CHRM3: variants seen among roughly 807,000 people sequenced by gnomAD.
CHRM3 encodes cholinergic receptor muscarinic 3, also known as muscarinic acetylcholine receptor M3.
In CHRM3, 11 loss-of-function variants were observed where a neutral mutation model predicts 41.8. The ratio of observed to expected loss-of-function variants is 0.26; its 90% CI spans 0.17 to 0.44. CHRM3 has a LOEUF of 0.44. Ranked by LOEUF, CHRM3 falls within the 20% of genes least tolerant of loss-of-function variation. CHRM3 has a pLI of 1.00. For synonymous variants in CHRM3, 297 were observed against 301.4 expected, an observed-to-expected ratio of 0.99 and a Z score of 0.15; for missense variants, 571 against 745.4, an observed-to-expected ratio of 0.77 and a Z score of 2.72.
chr1:239,584,464 A>T (rs995554694), intron 3 of CHRM3, among the ~76,000 whole-genome samples: 1 of 152,188 alleles, frequency 6.6e-6, no homozygotes, highest in Non-Finnish European at 1.5e-5. Context: ...ACTGATTAGC[A>T]TCCATAAACT....
At chr1:239,497,107 G>C (rs1322032847) in intron 2 of CHRM3, among the ~76,000 whole-genome samples, 1 of 152,144 alleles carries the variant, frequency 6.6e-6, no homozygotes, top group Non-Finnish European at 1.5e-5. Flanking sequence ...AAGAGGGACA[G>C]CATTTTTGGA....
At chr1:239,775,512 T>C (rs940368621) in intron 5 of CHRM3, among the ~76,000 whole-genome samples, 2 of 152,354 alleles carry the variant, frequency 1.3e-5, no homozygotes, top group South Asian at 4.1e-4. Context: ...GAAAGTACAA[T>C]TCAGCTTTAA....
chr1:239,771,023 GGT>G (rs2148724739), intron 5 of CHRM3, among the ~76,000 whole-genome samples: 1 of 151,902 alleles, frequency 6.6e-6, no homozygotes, highest in Non-Finnish European at 1.5e-5. Context: ...GGGAGGCAGA[GGT>G]TGCAGTGAGC....
At chr1:239,889,319 C>T (rs1391984292) in intron 6 of CHRM3, among the ~76,000 whole-genome samples, 23 of 152,054 alleles carry the variant, frequency 1.5e-4, no homozygotes, top group Admixed American at 1.5e-3. Flanking sequence ...TCTGGTAGCC[C>T]CCCCTCTAAT....
At chr1:239,546,598 T>C in intron 3 of CHRM3, 1 of 152,136 alleles carries the variant, frequency 6.6e-6, no homozygotes, top group East Asian at 1.9e-4. Flanking sequence ...CAAATTAATT[T>C]TTGGTATATT....
rs890684508 is a variant in CHRM3 at position 239,677,824 on chromosome 1, A to C, written c.-249-362A>C. Among the ~76,000 whole-genome samples the C allele has an allele frequency of 3.9e-5, 6 of 152,206 alleles. 1 individual carries two copies. Among genetic ancestry groups the C allele is most frequent in the African/African-American group, 1.4e-4 (6 of 41,446 alleles). ...TCAACCTAATAATATAAATGTCTGT[A>C]TGTTATGTGTACATATTTTTGGGGG... On this transcript the variant is annotated intron_variant, in intron 4 of 6. Coordinates refer to ENST00000676153, the MANE Select transcript of CHRM3 (RefSeq NM_001375978.1).
At chr1:239,893,480 C>T (rs1432416822) in intron 6 of CHRM3, among the ~76,000 whole-genome samples, 1 of 152,172 alleles carries the variant, frequency 6.6e-6, no homozygotes, top group Non-Finnish European at 1.5e-5. Context: ...TTACAGTTAG[C>T]CGTGTGACTT....
intron 3 of CHRM3, among the ~76,000 whole-genome samples, chr1:239,556,888 G>A (rs761834470): frequency 4.1e-4 from 62 of 152,226 alleles, no homozygotes; most frequent in Admixed American, 1.8e-3. Context: ...ATGCGTGTTC[G>A]TTAAATGGAG....
chr1:239,586,522 T>G (rs958716789), intron 3 of CHRM3, among the ~76,000 whole-genome samples: 1 of 152,110 alleles, frequency 6.6e-6, no homozygotes, highest in Non-Finnish European at 1.5e-5. Flanking sequence ...GGCCAGAAAA[T>G]AATCCCCTTC....
chr1:239,514,737 G>A (rs1427395666), intron 2 of CHRM3, among the ~76,000 whole-genome samples: 1 of 152,046 alleles, frequency 6.6e-6, no homozygotes, highest in Non-Finnish European at 1.5e-5. Context: ...TCTTTTTCAA[G>A]TTTACTGGGT....
intron 5 of CHRM3, chr1:239,827,028 C>A (rs980019668): frequency 3.9e-5 from 6 of 152,144 alleles, no homozygotes; most frequent in African/African-American, 1.4e-4. Flanking sequence ...AAGAGTGGCA[C>A]GCTGCAAAGT....
At chr1:239,449,610 C>T (rs566332662) in intron 1 of CHRM3, among the ~76,000 whole-genome samples, 1 of 152,174 alleles carries the variant, frequency 6.6e-6, no homozygotes, top group South Asian at 2.1e-4. Flanking sequence ...CAGATGGTTC[C>T]AAATTCTCTT....
chr1:239,469,714 G>A (rs903511027), intron 1 of CHRM3, among the ~76,000 whole-genome samples: 2 of 151,930 alleles, frequency 1.3e-5, no homozygotes, highest in Admixed American at 6.6e-5. Flanking sequence ...CCACCATCAC[G>A]CCCAGCTAAT....
At chr1:239,677,664 C>A (rs1658147905) in intron 4 of CHRM3, among the ~76,000 whole-genome samples, 1 of 152,202 alleles carries the variant, frequency 6.6e-6, no homozygotes, top group Non-Finnish European at 1.5e-5. Flanking sequence ...ATTCTCCCAC[C>A]CATGAGGTCA....
rs1037407937 is a variant in CHRM3, at chr1:239,769,849, C to T, written c.-146-57403C>T. Among the ~76,000 whole-genome samples, 5 of 151,906 alleles carry T rather than the reference C, an allele frequency of 3.3e-5. No homozygotes were observed. In the East Asian group the frequency reaches 9.7e-4, roughly 29 times the overall value. On this transcript the variant is annotated intron_variant, in intron 5 of 6. Coordinates refer to ENST00000676153, the MANE Select transcript of CHRM3 (RefSeq NM_001375978.1). The stretch of plus-strand genomic sequence containing the variant: ...TGAGCAGAGATTGCACCACTGCACT[C>T]CAGCCTGGGCAACAGAGCTAGACTC...
chr1:239,545,604 TACTG>T (rs1558307031), intron 2 of CHRM3, 33 bp from the exon 3 acceptor site: 1 of 152,170 alleles, frequency 6.6e-6, no homozygotes, highest in African/African-American at 2.4e-5. Flanking sequence ...AGATCATCCT[TACTG>T]ACCGATTTTT....
At chr1:239,655,957 C>A (rs1573154810) in intron 4 of CHRM3, among the ~76,000 whole-genome samples, 1 of 152,112 alleles carries the variant, frequency 6.6e-6, no homozygotes, top group Non-Finnish European at 1.5e-5. Flanking sequence ...CTTTTATACA[C>A]CATGGAATAC....
chr1:239,846,829 C>T (rs112598159), intron 6 of CHRM3, among the ~76,000 whole-genome samples: 5 of 152,062 alleles, frequency 3.3e-5, no homozygotes, highest in African/African-American at 4.8e-5. Context: ...GAAAGATAAG[C>T]GGCATAGAGT....
intron 5 of CHRM3, among the ~76,000 whole-genome samples, chr1:239,774,140 C>T (rs1019337589): frequency 6.6e-6 from 1 of 152,108 alleles, no homozygotes; most frequent in Non-Finnish European, 1.5e-5. Context: ...TTATGTGTCC[C>T]GTGATCAACA....
Sources: allele counts gnomAD v4.1 joint callset (sites outside exome capture counted in the v4.1 genomes callset), GRCh38; gene constraint gnomAD v4.1.1; transcripts MANE v1.5; gene names NCBI Gene and HGNC (gene_info 2026-07-23, HGNC 2026-07-21).